ANKFY1: variants seen among roughly 807,000 people sequenced by gnomAD.
ANKFY1 encodes the protein ankyrin repeat and FYVE domain containing 1.
In ANKFY1, 47 loss-of-function variants were observed where a neutral mutation model predicts 128.3. The ratio of observed to expected loss-of-function variants is 0.37; its 90% CI spans 0.29 to 0.47. The LOEUF is 0.47. ANKFY1 is among the 20% of genes least tolerant of loss of function. The probability of loss-of-function intolerance (pLI) is 1.00; values close to 1 mark genes in which losing one functional copy is unlikely to be tolerated. For synonymous variants in ANKFY1, 553 were observed against 601.6 expected (o/e 0.92, Z 1.18); for missense variants, 1,222 against 1,510.6 (o/e 0.81, Z 3.17).
chr17:4,184,830 G>A lies in ANKFY1; in HGVS notation c.1687C>T (p.Leu563=), dbSNP rs1209232891. The change falls in exon 12 of 25, where the codon CTG becomes TTG. Residue 563 remains leucine (L), a synonymous_variant. Coordinates refer to ENST00000341657, the MANE Select transcript of ANKFY1 (RefSeq NM_001330063.2). ...YNHPDVVSVI[L]EQKANALHAT... is the part of the protein sequence containing the mutation. ...CCCACTTACTTACCTTTCTGCTCCA[G>A]GATGACAGACACCACATCCGGATGG... is the stretch of plus-strand genomic sequence containing the variant. The A allele has an allele frequency of 1.2e-6, 2 of 1,613,134 alleles. No homozygotes were observed. The highest frequency in any genetic ancestry group is 1.7e-6 in the Non-Finnish European group (2 of 1,180,002).
At chr17:4,187,715 T>A (rs896187767) in intron 11 of ANKFY1, 1 of 153,224 alleles carries the variant, frequency 6.5e-6, no homozygotes, top group Non-Finnish European at 1.5e-5. Context: ...TGCCCCAGGC[T>A]GGAGTGCAGC....
chr17:4,229,822 A>C (rs1441993445), intron 3 of ANKFY1, among the ~76,000 whole-genome samples: 1 of 152,256 alleles, frequency 6.6e-6, no homozygotes, highest in Non-Finnish European at 1.5e-5. Context: ...AGAGAGAGCT[A>C]GGAAGAAGCC....
At chr17:4,243,051 CTTTT>C (rs958951264) in intron 1 of ANKFY1, among the ~76,000 whole-genome samples, 3 of 150,048 alleles carry the variant, frequency 2.0e-5, no homozygotes, top group African/African-American at 2.4e-5. Context: ...ATCTCTCTCT[CTTTT>C]TTTGTTTTTT....
chr17:4,183,639 C>G, intron 13 of ANKFY1, 88 bp from the exon 14 acceptor site: 1 of 1,542,734 alleles, frequency 6.5e-7, no homozygotes, highest in Non-Finnish European at 8.8e-7. Flanking sequence ...CTCAGCTTCT[C>G]AAAGCCAGCA....
intron 7 of ANKFY1, among the ~76,000 whole-genome samples, chr17:4,198,113 G>A (rs1262222966): frequency 4.7e-5 from 7 of 149,686 alleles, no homozygotes; most frequent in Admixed American, 1.3e-4. Flanking sequence ...TGGGGATTAA[G>A]AGCAAAACTC....
At chr17:4,197,245 C>G (rs2143010917) in intron 8 of ANKFY1, 128 bp downstream of exon 8, 1 of 971,110 alleles carries the variant, frequency 1.0e-6, no homozygotes, top group South Asian at 1.5e-5. Flanking sequence ...ATGTCTGTGA[C>G]TTTAATGAAA....
At chr17:4,215,543 A>G (rs1035270213) in intron 4 of ANKFY1, among the ~76,000 whole-genome samples, 9 of 152,090 alleles carry the variant, frequency 5.9e-5, no homozygotes, top group Non-Finnish European at 7.4e-5. Context: ...GCACTCTGTG[A>G]CCCTTTAAAA....
chr17:4,177,397 G>A (rs868103563), intron 18 of ANKFY1, 95 bp from the exon 19 acceptor site: 8 of 1,106,060 alleles, frequency 7.2e-6, no homozygotes, highest in South Asian at 5.7e-5. Flanking sequence ...GAGAGGTCAC[G>A]ATGGAGACCT....
Position 4,235,907 on chromosome 17 carries a change from T to C in ANKFY1, c.204-17A>G, listed in dbSNP as rs1393409736. 6.4e-7 allele frequency: 1 copy of C among 1,562,556 alleles called. No individual in the cohort carries two copies. The highest frequency in any genetic ancestry group is 1.4e-5 in the African/African-American group (1 of 73,922). ...TTCAGATCGCTGATGAAGAAAAAGA[T>C]CCACATATATTAGAAAAATGTCATC... is the stretch of plus-strand genomic sequence containing the variant. On this transcript the variant is annotated splice_polypyrimidine_tract_variant and intron_variant, in intron 2 of 24. Transcript: ENST00000341657.
At chr17:4,230,340 C>T (rs900685045) in intron 3 of ANKFY1, among the ~76,000 whole-genome samples, 4 of 152,252 alleles carry the variant, frequency 2.6e-5, no homozygotes, top group Admixed American at 2.0e-4. Flanking sequence ...TACCCTGAGC[C>T]CTTATGCCAA....
chr17:4,258,252 G>A (rs1431508779), intron 1 of ANKFY1, among the ~76,000 whole-genome samples: 10 of 152,172 alleles, frequency 6.6e-5, no homozygotes, highest in Non-Finnish European at 8.8e-5. Flanking sequence ...AGGGCCGGGC[G>A]CGGTGGCTCA....
At chr17:4,263,730 T>C (rs1204060198) in intron 1 of ANKFY1, 2 of 1,481,812 alleles carry the variant, frequency 1.3e-6, no homozygotes, top group Non-Finnish European at 8.9e-7. Context: ...GGGGTCGGCA[T>C]CGCGGGAGGG....
chr17:4,247,027 C>T (rs1003758892), intron 1 of ANKFY1, among the ~76,000 whole-genome samples: 2 of 151,608 alleles, frequency 1.3e-5, no homozygotes, highest in Admixed American at 6.6e-5. Flanking sequence ...GCAGAAGGCT[C>T]GCTTGAGCCT....
rs185140587 is a variant in ANKFY1 at position 4,186,013 on chromosome 17, C to T, written c.1471-967G>A. ...TAAAAATATTTTTAATTGGTATTACCGCTACCTGATGCAACATTTAAAACG... is the reference window on the plus strand; with the variant it reads ...TAAAAATATTTTTAATTGGTATTACTGCTACCTGATGCAACATTTAAAACG... On this transcript the variant is annotated intron_variant, in intron 11 of 24. Transcript: ENST00000341657. Among the ~76,000 whole-genome samples the T allele has an allele frequency of 2.7e-3, 406 of 152,212 alleles. 4 individuals carry two copies. Among genetic ancestry groups the T allele is most frequent in the African/African-American group, 9.1e-3 (379 of 41,526 alleles).
intron 3 of ANKFY1, among the ~76,000 whole-genome samples, chr17:4,234,804 C>T (rs187477474): frequency 7.9e-5 from 12 of 152,226 alleles, no homozygotes; most frequent in African/African-American, 2.6e-4. Context: ...CCACCATACC[C>T]GGCCTTAAAA....
At position 4,235,761 on chromosome 17, in the gene ANKFY1, C is replaced by T; in HGVS notation, c.322+11G>A. The T allele has an allele frequency of 1.2e-6, 2 of 1,608,792 alleles. No homozygotes were observed. The highest frequency in any genetic ancestry group is 1.7e-6 in the Non-Finnish European group (2 of 1,175,220). ...TAGCAGTTTTGTGTCCCTGATCACT[C>T]AAAGGCTCACCTGACAGGTCCAACT... On this transcript the variant is annotated intron_variant, in intron 3 of 24. Coordinates refer to ENST00000341657, the MANE Select transcript of ANKFY1 (RefSeq NM_001330063.2).
chr17:4,207,706 C>T (rs1433422400), intron 6 of ANKFY1, among the ~76,000 whole-genome samples: 1 of 151,636 alleles, frequency 6.6e-6, no homozygotes, highest in Non-Finnish European at 1.5e-5. Flanking sequence ...AAAAAACTAC[C>T]TAAAAGCATT....
In ANKFY1 at chr17:4,195,101, C is replaced by A. The variant is rs775520067; in HGVS notation, c.1249G>T (p.Asp417Tyr). Residue 417 changes from aspartate to tyrosine, a missense_variant, in exon 10 of 25, where the codon GAC becomes TAC. Coordinates refer to ENST00000341657, the MANE Select transcript of ANKFY1 (RefSeq NM_001330063.2). ...LAVQHITVSS[D>Y]QSVNPFEDVP... Reference sequence around the variant, plus strand: ...TCTTCGAAGGGGTTCACAGACTGGTCAGAAGACACTGTGATATGCTGCACT... The same window carrying A: ...TCTTCGAAGGGGTTCACAGACTGGTAAGAAGACACTGTGATATGCTGCACT... The A allele has an allele frequency of 8.1e-6, 13 of 1,614,178 alleles. No individual in the cohort carries two copies. The highest frequency in any genetic ancestry group is 7.6e-6 in the Non-Finnish European group (9 of 1,180,044).
chr17:4,187,999 G>GTC (rs1311233418), intron 11 of ANKFY1: 1 of 152,258 alleles, frequency 6.6e-6, no homozygotes, highest in African/African-American at 2.4e-5. Flanking sequence ...AGTAGAGCAT[G>GTC]TCTCTATGCT....
Sources: allele counts gnomAD v4.1 joint callset (sites outside exome capture counted in the v4.1 genomes callset), GRCh38; gene constraint gnomAD v4.1.1; transcripts MANE v1.5; gene names NCBI Gene and HGNC (gene_info 2026-07-23, HGNC 2026-07-21).